The following FRA10AC1 variants were observed in gnomAD, a reference collection of about 807,000 sequenced individuals.
The protein encoded by FRA10AC1 is FRA10A associated CGG repeat 1, also known as protein FRA10AC1.
A neutral mutation model predicts 56.5 loss-of-function variants in FRA10AC1; 43 were observed. The ratio of observed to expected loss-of-function variants is 0.76; its 90% CI spans 0.60 to 0.98. The LOEUF (loss-of-function observed/expected upper bound fraction) is 0.98, where lower values mean the gene tolerates loss of function less well. Ranked by LOEUF, FRA10AC1 falls within the 50% of genes least tolerant of loss-of-function variation. The pLI is 0.00. For synonymous variants in FRA10AC1, 112 were observed against 110.5 expected (o/e 1.01, Z -0.09); for missense variants, 346 against 351.8 (o/e 0.98, Z 0.13).
At chr10:93,689,859 C>T (rs2059096725) in intron 7 of FRA10AC1, among the ~76,000 whole-genome samples, 1 of 152,154 alleles carries the variant, frequency 6.6e-6, no homozygotes, top group African/African-American at 2.4e-5. Context: ...AAGAAGGATT[C>T]TGACTTTATG....
intron 1 of FRA10AC1, among the ~76,000 whole-genome samples, chr10:93,701,122 T>C (rs1005192502): frequency 1.3e-5 from 2 of 152,196 alleles, no homozygotes; most frequent in Non-Finnish European, 2.9e-5. Flanking sequence ...ATTTTAGAAC[T>C]GAAATTCTTA....
Position 93,670,649 on chromosome 10 carries a change from A to G in FRA10AC1, c.905+121T>C. ...GAATAAGCTCTAATCTTACCAGGCT[A>G]GGCAGTCCTTGGCATTAAATAGATC... On this transcript the variant is annotated intron_variant, in intron 13 of 13. Transcript: ENST00000359204. 2.2e-5 allele frequency: 13 copies of G among 599,744 alleles called. No individual in the cohort carries two copies. The South Asian group carries it at 3.4e-4, about 16-fold the overall frequency. 37.2% of individuals were successfully genotyped at this position (599,744 alleles called of 1,614,324 possible). A position where few individuals can be genotyped will look rare whatever the true frequency, so the allele number is the denominator to read the frequency against.
At chr10:93,694,690 G>T (rs190875631) in intron 5 of FRA10AC1, among the ~76,000 whole-genome samples, 171 bp downstream of exon 5, 176 of 139,344 alleles carry the variant, frequency 1.3e-3, no homozygotes, top group African/African-American at 4.4e-3. Context: ...CTCCAGCCTG[G>T]GCGACAGAGT....
At chr10:93,685,514 T>G in intron 8 of FRA10AC1, 155 bp from the exon 9 acceptor site, 1 of 479,038 alleles carries the variant, frequency 2.1e-6, no homozygotes, top group Non-Finnish European at 3.6e-6. Flanking sequence ...CCAACTTGTA[T>G]ACAAGTATCA....
chr10:93,694,557 T>C (rs778999749), intron 5 of FRA10AC1, among the ~76,000 whole-genome samples: 1 of 151,076 alleles, frequency 6.6e-6, no homozygotes, highest in South Asian at 2.1e-4. Flanking sequence ...CTACTAAAAA[T>C]ACAAAAATTA....
At chr10:93,680,041 C>T (rs891446865) in intron 11 of FRA10AC1, among the ~76,000 whole-genome samples, 3 of 152,226 alleles carry the variant, frequency 2.0e-5, no homozygotes, top group African/African-American at 4.8e-5. Context: ...TGCATATGTA[C>T]GCATAATACG....
chr10:93,701,973 G>C (rs566821780), intron 1 of FRA10AC1, among the ~76,000 whole-genome samples: 3 of 152,256 alleles, frequency 2.0e-5, no homozygotes, highest in Non-Finnish European at 4.4e-5. Flanking sequence ...GATTAAAAGA[G>C]TTGCCTCATC....
intron 10 of FRA10AC1, 111 bp from the exon 11 acceptor site, chr10:93,681,709 T>C (rs2058938513): frequency 1.0e-6 from 1 of 996,012 alleles, no homozygotes; most frequent in Non-Finnish European, 1.4e-6. Flanking sequence ...ATTTTTTAAA[T>C]GTGATTTATA....
intron 12 of FRA10AC1, 148 bp from the exon 13 acceptor site, chr10:93,670,996 A>T: frequency 1.7e-6 from 1 of 574,482 alleles, no homozygotes; most frequent in Non-Finnish European, 3.1e-6. Context: ...AGGTACAATA[A>T]ATTCTTTTAA....
Position 93,681,493 on chromosome 10 carries a change from C to G in FRA10AC1, c.774G>C (p.Lys258Asn). ...SRLSSAEEAS[K>N]KKDKGHSSSK... ...ATTTCCTTTTACCTTTATCTTTTTT[C>G]TTGGAGGCCTCTTCTGCAGAAGATA... Residue 258 changes from lysine to asparagine, a missense_variant, in exon 11 of 14, where the codon AAG (lysine) becomes AAC (asparagine). By Grantham distance (94) the Lys-to-Asn change is moderately conservative. Coordinates refer to ENST00000359204, the MANE Select transcript of FRA10AC1 (RefSeq NM_145246.5). 1 of 1,568,092 alleles carries G rather than the reference C, an allele frequency of 6.4e-7. No individual in the cohort carries two copies. The highest frequency in any genetic ancestry group is 8.6e-7 in the Non-Finnish European group (1 of 1,159,926).
At position 93,668,287 on chromosome 10, in the gene FRA10AC1, T is replaced by C. The variant is rs774152797; in HGVS notation, c.*1539A>G. ...TCATCAAGTCAAGCATCTTCTCCTA[T>C]ATCTATCCATCTATTTGCTCTTTAT... On this transcript the variant is annotated 3_prime_UTR_variant, in exon 14 of 14. Transcript: ENST00000359204. The C allele has an allele frequency of 6.6e-6, 1 of 152,196 alleles. No individual in the cohort carries two copies. Among genetic ancestry groups the C allele is most frequent in the South Asian group, 2.1e-4 (1 of 4,832 alleles). The allele number at this position is 152,196 out of a possible 1,614,324, so 9.4% of individuals were successfully genotyped here.
At chr10:93,691,850 C>A in intron 7 of FRA10AC1, 159 bp downstream of exon 7, 1 of 700,190 alleles carries the variant, frequency 1.4e-6, no homozygotes, top group Non-Finnish European at 2.2e-6. Flanking sequence ...AACTCCACAG[C>A]TGCAGAGGTT....
rs1278240700 is a variant in FRA10AC1, at chr10:93,692,054, A to G, written c.420T>C (p.Phe140=). Reference sequence around the variant, plus strand: ...TGAGATCTGCTATGCAGTATTCCTTAAATAATTTATCATAGTATTTCTTAG... The same window carrying G: ...TGAGATCTGCTATGCAGTATTCCTTGAATAATTTATCATAGTATTTCTTAG... ...RLAKKYYDKL[F]KEYCIADLSK... The change falls in exon 7 of 14, where the codon TTT becomes TTC. Residue 140 remains phenylalanine (F), a synonymous_variant. Transcript: ENST00000359204. The G allele has an allele frequency of 2.6e-6, 4 of 1,563,000 alleles. No homozygotes were observed. Among genetic ancestry groups the G allele is most frequent in the Non-Finnish European group, 3.5e-6 (4 of 1,159,100 alleles).
At chr10:93,675,681 G>T in intron 12 of FRA10AC1, 1 of 363,374 alleles carries the variant, frequency 2.8e-6, no homozygotes, top group Admixed American at 2.7e-5. Context: ...CTCCAACCTG[G>T]GTGAAAGAGC....
intron 12 of FRA10AC1, chr10:93,673,416 T>C (rs561170897): frequency 2.2e-6 from 1 of 454,768 alleles, no homozygotes; most frequent in South Asian, 1.6e-5. Context: ...CCTCAGTTTT[T>C]TTCTTCTTGA....
chr10:93,676,019 T>C (rs1372964029), intron 12 of FRA10AC1, among the ~76,000 whole-genome samples: 1 of 152,192 alleles, frequency 6.6e-6, no homozygotes, highest in Non-Finnish European at 1.5e-5. Flanking sequence ...AATTAATCTT[T>C]CTATTGCTGG....
At chr10:93,698,644 C>A (rs917945288) in intron 2 of FRA10AC1, among the ~76,000 whole-genome samples, 1 of 152,180 alleles carries the variant, frequency 6.6e-6, no homozygotes, top group Non-Finnish European at 1.5e-5. Context: ...TATCACCTAG[C>A]TTCCTGATTC....
chr10:93,702,522 A>ACCACAACCGCCGCCGCCG lies in FRA10AC1; in HGVS notation c.-149_-148insCGGCGGCGGCGGTTGTGG, dbSNP rs60832838. 9.3e-6 allele frequency: 2 copies of ACCACAACCGCCGCCGCCG among 215,934 alleles called. No homozygotes were observed. The highest frequency in any genetic ancestry group is 1.8e-5 in the Non-Finnish European group (2 of 110,986). The allele number at this position is 215,934 out of a possible 1,614,324, so 13.4% of individuals were successfully genotyped here. On this transcript the variant is annotated 5_prime_UTR_variant, in exon 1 of 14. Coordinates refer to ENST00000359204, the MANE Select transcript of FRA10AC1 (RefSeq NM_145246.5). ...GCCGCACAGCCTCGCCACAACCACCACCGCCGCCGCCGCCGCCGCCGCCGC... is the reference window on the plus strand; with the variant it reads ...GCCGCACAGCCTCGCCACAACCACCACCACAACCGCCGCCGCCGCCGCCGCCGCCGCCGCCGCCGCCGC...
intron 1 of FRA10AC1, among the ~76,000 whole-genome samples, chr10:93,701,613 T>TG (rs538188421): frequency 1.1e-4 from 16 of 152,164 alleles, no homozygotes; most frequent in Non-Finnish European, 2.4e-4. Flanking sequence ...AGGTTGGAGA[T>TG]GAAGGTTTGA....
Sources: allele counts gnomAD v4.1 joint callset (sites outside exome capture counted in the v4.1 genomes callset), GRCh38; gene constraint gnomAD v4.1.1; transcripts MANE v1.5; gene names NCBI Gene and HGNC (gene_info 2026-07-23, HGNC 2026-07-21).